Variants in DPYS observed in about 807,000 individuals in gnomAD.
DPYS encodes the protein dihydropyrimidinase.
DPYS carries 39 observed loss-of-function variants against 50.3 expected under a neutral mutation model. The observed-to-expected ratio is 0.78, with a 90% CI of 0.60 to 1.01. The LOEUF (loss-of-function observed/expected upper bound fraction) is 1.01, where lower values mean the gene tolerates loss of function less well. Ranked by LOEUF, DPYS falls within the 50% of genes least tolerant of loss-of-function variation. The pLI is 0.00. For missense variants in DPYS, 659 were observed against 680.9 expected, an observed-to-expected ratio of 0.97 and a Z score of 0.36; for synonymous variants, 245 against 250.7, an observed-to-expected ratio of 0.98 and a Z score of 0.22.
Position 104,389,545 on chromosome 8 carries a change from T to A in DPYS, c.1443+3239A>T, listed in dbSNP as rs530457614. On this transcript the variant is annotated intron_variant, in intron 8 of 9. Transcript: ENST00000351513. The stretch of plus-strand genomic sequence containing the variant: ...TGACTATTTTCTTCCTTTTATTTTT[T>A]TTTTTTTGTCTCTACAGAGGTCCAG... Among the ~76,000 whole-genome samples the A allele has an allele frequency of 3.9e-4, 60 of 152,148 alleles. 2 individuals are homozygous for A. The highest frequency in any genetic ancestry group is 2.1e-3 in the East Asian group (11 of 5,176).
In DPYS at chr8:104,447,429, A is replaced by C; in HGVS notation, c.498T>G (p.Asp166Glu). 1 of 1,614,098 alleles carries C rather than the reference A, an allele frequency of 6.2e-7. No individual in the cohort carries two copies. Among genetic ancestry groups the C allele is most frequent in the Non-Finnish European group, 8.5e-7 (1 of 1,180,020 alleles). The change falls in exon 3 of 10, where the codon GAT becomes GAG. Residue 166 changes from aspartate (D) to glutamate (E), a missense_variant. Asp to Glu is a conservative substitution (Grantham distance 45). Coordinates refer to ENST00000351513, the MANE Select transcript of DPYS (RefSeq NM_001385.3). ...GCTCCAGGTCTGTCACCATGTACAG[A>C]TCTTTATAGGCCATAAACATCTTGA... is the stretch of plus-strand genomic sequence containing the variant. ...NSFKMFMAYK[D>E]LYMVTDLELY...
At chr8:104,421,726 C>T (rs1042215382) in intron 7 of DPYS, among the ~76,000 whole-genome samples, 1 of 152,030 alleles carries the variant, frequency 6.6e-6, no homozygotes, top group African/African-American at 2.4e-5. Context: ...TTTAGTTTGA[C>T]CTTAAGTTAG....
chr8:104,466,791 C>A lies in DPYS; in HGVS notation c.130G>T (p.Gly44Cys). 1 of 1,534,222 alleles carries A rather than the reference C, an allele frequency of 6.5e-7. No homozygotes were observed. Among genetic ancestry groups the A allele is most frequent in the Non-Finnish European group, 8.7e-7 (1 of 1,145,798 alleles). The change falls in exon 1 of 10, where the codon GGC becomes TGC. Residue 44 changes from glycine (G) to cysteine (C), a missense_variant. Physicochemically the swap from Gly to Cys is radical, Grantham distance 159. Coordinates refer to ENST00000351513, the MANE Select transcript of DPYS (RefSeq NM_001385.3). Reference protein sequence around the residue: ...ALGHDLLPPGGAPAGLRVLDA... With the variant: ...ALGHDLLPPGCAPAGLRVLDA... ...AGGACCCGCAGCCCCGCAGGAGCGC[C>A]CCCGGGAGGCAGCAGGTCGTGCCCG...
Position 104,429,544 on chromosome 8 carries a change from C to A in DPYS, c.950+1G>T, listed in dbSNP as rs766784676. 6.2e-7 allele frequency: 1 copy of A among 1,614,032 alleles called. No individual in the cohort carries two copies. Among genetic ancestry groups the A allele is most frequent in the Admixed American group, 1.7e-5 (1 of 60,000 alleles). ...TTCCCAGTCATCTGCAAAATGATTA[C>A]TTAGCCAACAGATTCATGAGGAAGT... On this transcript the variant is annotated splice_donor_variant, in intron 5 of 9. Transcript: ENST00000351513. LOFTEE classifies it high-confidence loss of function.
At chr8:104,404,271 A>G (rs996442476) in intron 7 of DPYS, among the ~76,000 whole-genome samples, 1 of 152,170 alleles carries the variant, frequency 6.6e-6, no homozygotes, top group Non-Finnish European at 1.5e-5. Context: ...AGCTCATTTG[A>G]ACCTCAACGC....
intron 8 of DPYS, among the ~76,000 whole-genome samples, chr8:104,390,315 C>T (rs894245717): frequency 1.1e-4 from 16 of 152,140 alleles, no homozygotes; most frequent in Non-Finnish European, 1.8e-4. Context: ...ACAAAACAAA[C>T]GCTGAGTAAC....
rs190259819 is a variant in DPYS, at chr8:104,430,098, G to A, written c.794-397C>T. Among the ~76,000 whole-genome samples, 63 of 152,256 alleles carry A rather than the reference G, an allele frequency of 4.1e-4. 1 individual carries two copies. In the East Asian group the frequency reaches 4.3e-3, roughly 10 times the overall value. On this transcript the variant is annotated intron_variant, in intron 4 of 9. Coordinates refer to ENST00000351513, the MANE Select transcript of DPYS (RefSeq NM_001385.3). ...TACATTTACATTACATACAGTCTAT[G>A]TGGTGTGGAGAAGGTAGAATTTGAA...
intron 1 of DPYS, among the ~76,000 whole-genome samples, chr8:104,462,044 T>A (rs925974169): frequency 2.0e-5 from 3 of 152,364 alleles, no homozygotes; most frequent in African/African-American, 7.2e-5. Context: ...TATTTTTCTT[T>A]TTTGAAAAAG....
intron 8 of DPYS, among the ~76,000 whole-genome samples, chr8:104,382,872 C>T (rs941615316): frequency 2.6e-5 from 4 of 152,332 alleles, no homozygotes; most frequent in African/African-American, 9.6e-5. Flanking sequence ...TGTGACCTAA[C>T]TGAGCAGACT....
chr8:104,381,417 T>C (rs1811033047), intron 8 of DPYS, 103 bp from the exon 9 acceptor site: 5 of 1,096,716 alleles, frequency 4.6e-6, no homozygotes, highest in Non-Finnish European at 6.9e-6. Flanking sequence ...AAAAGAATCT[T>C]ATAAATTTAT....
chr8:104,432,432 G>C (rs1812986935), intron 4 of DPYS, among the ~76,000 whole-genome samples: 1 of 152,188 alleles, frequency 6.6e-6, no homozygotes, highest in Non-Finnish European at 1.5e-5. Flanking sequence ...TGAGTCCTGA[G>C]ATCTGCTAGA....
chr8:104,443,377 T>A (rs1430585102), intron 4 of DPYS, among the ~76,000 whole-genome samples: 3 of 152,068 alleles, frequency 2.0e-5, no homozygotes, highest in Non-Finnish European at 4.4e-5. Flanking sequence ...ATTAGGCAGT[T>A]TGGGGTAAAA....
At chr8:104,396,538 T>C (rs1421295301) in intron 7 of DPYS, among the ~76,000 whole-genome samples, 3 of 152,170 alleles carry the variant, frequency 2.0e-5, no homozygotes, top group African/African-American at 7.2e-5. Flanking sequence ...TATGAAAGAC[T>C]AGAATTAAAA....
At chr8:104,416,750 C>T (rs556189510) in intron 7 of DPYS, among the ~76,000 whole-genome samples, 1 of 152,182 alleles carries the variant, frequency 6.6e-6, no homozygotes, top group South Asian at 2.1e-4. Context: ...TGTGCAACTT[C>T]AAGGGAAAAT....
chr8:104,429,345 T>C lies in DPYS; in HGVS notation c.950+200A>G, dbSNP rs541097785. ...GAAAACGATCTGATTTCTGAGAGTC[T>C]AGGAAAGGCTTTGACAACATATCAC... On this transcript the variant is annotated intron_variant, in intron 5 of 9. Coordinates refer to ENST00000351513, the MANE Select transcript of DPYS (RefSeq NM_001385.3). 19 of 613,614 alleles carry C rather than the reference T, an allele frequency of 3.1e-5. No homozygotes were observed. In the South Asian group the frequency reaches 3.7e-4, roughly 12 times the overall value. The allele number at this position is 613,614 out of a possible 1,614,324, so 38.0% of individuals were successfully genotyped here.
intron 5 of DPYS, among the ~76,000 whole-genome samples, chr8:104,428,837 C>CT (rs112742723): frequency 0.92 from 136,343 of 147,876 alleles, 63,284 homozygotes; most frequent in Middle Eastern, 0.98. Flanking sequence ...TTTCTCTTTT[C>CT]TTTTTTTTTT....
chr8:104,422,942 T>A (rs191785716), intron 7 of DPYS, among the ~76,000 whole-genome samples: 22 of 152,330 alleles, frequency 1.4e-4, no homozygotes, highest in Admixed American at 8.5e-4. Context: ...CCAAGCAATT[T>A]TTTTTCCATT....
At chr8:104,429,437 G>A (rs996165029) in intron 5 of DPYS, 108 bp downstream of exon 5, 10 of 1,476,854 alleles carry the variant, frequency 6.8e-6, no homozygotes, top group Non-Finnish European at 8.4e-6. Flanking sequence ...AGGTCAAGTA[G>A]AAGAGAATAC....
Position 104,392,967 on chromosome 8 carries a change from A to G in DPYS, c.1260T>C (p.His420=). Residue 420 remains histidine, a synonymous_variant, in exon 8 of 10, where the codon CAT becomes CAC. Coordinates refer to ENST00000351513, the MANE Select transcript of DPYS (RefSeq NM_001385.3). ...CGAAAATGTTGAAGTTAACAGCCTG[A>G]TGATGAGTTTTTGCTGAGATAGTCC... is the stretch of plus-strand genomic sequence containing the variant. The part of the protein sequence containing the change: ...GTRTISAKTH[H]QAVNFNIFEG... 6.2e-7 allele frequency: 1 copy of G among 1,614,212 alleles called. No homozygotes were observed. The highest frequency in any genetic ancestry group is 8.5e-7 in the Non-Finnish European group (1 of 1,180,010).
Sources: allele counts gnomAD v4.1 joint callset (sites outside exome capture counted in the v4.1 genomes callset), GRCh38; gene constraint gnomAD v4.1.1; transcripts MANE v1.5; gene names NCBI Gene and HGNC (gene_info 2026-07-23, HGNC 2026-07-21).